Variants in NOVA1 observed in about 807,000 individuals in gnomAD.
The protein encoded by NOVA1 is NOVA alternative splicing regulator 1.
A neutral mutation model predicts 38.0 loss-of-function variants in NOVA1; 7 were observed. That is an observed-to-expected ratio of 0.18 (90% CI 0.10 to 0.35). The LOEUF (loss-of-function observed/expected upper bound fraction) is 0.35. NOVA1 is among the 10% of genes least tolerant of loss of function. NOVA1 has a pLI of 1.00. For synonymous variants in NOVA1, 270 were observed against 232.5 expected, an observed-to-expected ratio of 1.16 and a Z score of -1.47; for missense variants, 460 against 616.0, an observed-to-expected ratio of 0.75 and a Z score of 2.68.
chr14:26,519,619 C>T (rs894783540), intron 2 of NOVA1: 1 of 152,074 alleles, frequency 6.6e-6, no homozygotes, highest in African/African-American at 2.4e-5. Context: ...TCATAAGTAA[C>T]TCTTGAAATG....
At chr14:26,523,476 G>T (rs115292311) in intron 2 of NOVA1, among the ~76,000 whole-genome samples, 87 of 152,172 alleles carry the variant, frequency 5.7e-4, no homozygotes, top group African/African-American at 2.1e-3. Context: ...CTAATAACAC[G>T]TAAGTACAAT....
intron 2 of NOVA1, among the ~76,000 whole-genome samples, chr14:26,512,608 G>A (rs1176860910): frequency 2.0e-5 from 3 of 152,054 alleles, no homozygotes; most frequent in African/African-American, 7.2e-5. Flanking sequence ...CTCATTGCTT[G>A]AATATATTAC....
intron 2 of NOVA1, among the ~76,000 whole-genome samples, chr14:26,584,404 AT>A (rs1285298939): frequency 6.6e-6 from 1 of 151,516 alleles, no homozygotes; most frequent in Non-Finnish European, 1.5e-5. Flanking sequence ...ATAAATATAT[AT>A]TTTTTAATTA....
chr14:26,503,748 CAGAGG>C (rs1887418449), intron 2 of NOVA1, among the ~76,000 whole-genome samples: 1 of 151,928 alleles, frequency 6.6e-6, no homozygotes, highest in Non-Finnish European at 1.5e-5. Flanking sequence ...GTTCAACATC[CAGAGG>C]TTAGCTAAAT....
At chr14:26,460,008 T>C (rs1330431226) in intron 4 of NOVA1, among the ~76,000 whole-genome samples, 1 of 152,012 alleles carries the variant, frequency 6.6e-6, no homozygotes, top group African/African-American at 2.4e-5. Context: ...TTATATTTAC[T>C]GATTAGGTGA....
At chr14:26,454,344 G>A (rs193235925) in intron 4 of NOVA1, among the ~76,000 whole-genome samples, 75 of 152,200 alleles carry the variant, frequency 4.9e-4, no homozygotes, top group East Asian at 2.9e-3. Context: ...AGCACATGAC[G>A]CAGGATGGCC....
At chr14:26,514,244 T>A (rs1281866068) in intron 2 of NOVA1, among the ~76,000 whole-genome samples, 1 of 151,738 alleles carries the variant, frequency 6.6e-6, no homozygotes, top group Non-Finnish European at 1.5e-5. Context: ...TTATCTTTTA[T>A]CTTGTCATTT....
chr14:26,456,430 T>C (rs1040070542), intron 4 of NOVA1, among the ~76,000 whole-genome samples: 2 of 151,864 alleles, frequency 1.3e-5, no homozygotes, highest in East Asian at 1.9e-4. Flanking sequence ...CAGGAAGAGA[T>C]GAAATTATTT....
intron 2 of NOVA1, among the ~76,000 whole-genome samples, chr14:26,585,003 T>C (rs1055004136): frequency 3.3e-5 from 5 of 151,392 alleles, no homozygotes; most frequent in African/African-American, 4.8e-5. Context: ...AACACTATGA[T>C]ATGGTTATTT....
At chr14:26,486,993 A>G (rs370048737) in intron 2 of NOVA1, among the ~76,000 whole-genome samples, 4 of 152,142 alleles carry the variant, frequency 2.6e-5, no homozygotes, top group Non-Finnish European at 4.4e-5. Flanking sequence ...ATAATAGTCT[A>G]TATATGATAA....
At position 26,448,295 on chromosome 14, in the gene NOVA1, A is replaced by G. The variant is rs774171256; in HGVS notation, c.1188T>C (p.Asn396=). 15 of 1,613,940 alleles carry G rather than the reference A, an allele frequency of 9.3e-6. No individual in the cohort carries two copies. The highest frequency in any genetic ancestry group is 1.3e-5 in the African/African-American group (1 of 74,894). The change falls in exon 5 of 5, where the codon AAT becomes AAC. Residue 396 remains asparagine, a synonymous_variant. Transcript: ENST00000539517. The surrounding 1 kb of genome is among the most constrained non-coding windows in gnomAD (Gnocchi z 5.3). The part of the protein sequence containing the change: ...GSLAAATAAT[N]GYFGAASPLA... ...GGGGAGAAGCAGCTCCAAAATATCC[A>G]TTGGTTGCAGCAGTAGCAGCAGCCA... is the stretch of plus-strand genomic sequence containing the variant.
rs567820295 is a variant in NOVA1 at position 26,538,988 on chromosome 14, G to A, written c.280+56422C>T. Among the ~76,000 whole-genome samples, 8 of 151,990 alleles carry A rather than the reference G, an allele frequency of 5.3e-5. No individual in the cohort carries two copies. The South Asian group carries it at 1.0e-3, about 20-fold the overall frequency. On this transcript the variant is annotated intron_variant, in intron 2 of 4. Transcript: ENST00000539517. ...TGATGACTAGAATGTGACTTTCGTC[G>A]TCCTCATCCTTTAGAGTTCAACTCA...
chr14:26,490,462 A>C (rs1037230518), intron 2 of NOVA1, among the ~76,000 whole-genome samples: 4 of 147,360 alleles, frequency 2.7e-5, no homozygotes, highest in African/African-American at 1.1e-4. Flanking sequence ...CCCCAACAAC[A>C]GTGTAAAAGG....
At chr14:26,561,892 TC>T (rs1891854257) in intron 2 of NOVA1, among the ~76,000 whole-genome samples, 1 of 152,192 alleles carries the variant, frequency 6.6e-6, no homozygotes, top group African/African-American at 2.4e-5. Context: ...GAACACTATG[TC>T]CTAGTTCAGT....
At chr14:26,549,616 C>T in intron 2 of NOVA1, 1 of 623,696 alleles carries the variant, frequency 1.6e-6, no homozygotes, top group Non-Finnish European at 2.5e-6. Context: ...ATGATGTTTC[C>T]CAGTTATTTG....
At chr14:26,516,006 C>A (rs1352737342) in intron 2 of NOVA1, among the ~76,000 whole-genome samples, 1 of 152,098 alleles carries the variant, frequency 6.6e-6, no homozygotes, top group Admixed American at 6.6e-5. Context: ...TTATCCACTT[C>A]CAATCCTTCC....
At chr14:26,565,944 T>C (rs1161405129) in intron 2 of NOVA1, among the ~76,000 whole-genome samples, 1 of 152,106 alleles carries the variant, frequency 6.6e-6, no homozygotes, top group Non-Finnish European at 1.5e-5. Context: ...TTTAAGGGTA[T>C]TTAAATGAGG....
At chr14:26,454,927 G>A (rs1423575869) in intron 4 of NOVA1, among the ~76,000 whole-genome samples, 1 of 152,076 alleles carries the variant, frequency 6.6e-6, no homozygotes, top group Non-Finnish European at 1.5e-5. Context: ...CCATTTTGGG[G>A]AATCTACATT....
At chr14:26,587,391 C>T (rs1893590401) in intron 2 of NOVA1, among the ~76,000 whole-genome samples, 1 of 150,278 alleles carries the variant, frequency 6.7e-6, no homozygotes, top group Non-Finnish European at 1.5e-5. Flanking sequence ...CTATATTCCT[C>T]GAATGGAGAA....
Sources: allele counts gnomAD v4.1 joint callset (sites outside exome capture counted in the v4.1 genomes callset), GRCh38; gene constraint gnomAD v4.1.1; non-coding constraint Gnocchi (gnomAD v3.1); transcripts MANE v1.5; gene names NCBI Gene and HGNC (gene_info 2026-07-23, HGNC 2026-07-21).